Variants in KCNN2 observed in about 807,000 individuals in gnomAD.
KCNN2 encodes potassium calcium-activated channel subfamily N member 2, also known as small conductance calcium-activated potassium channel protein 2.
KCNN2 carries 24 observed loss-of-function variants against 55.5 expected under a neutral mutation model. That is an observed-to-expected ratio of 0.43 (90% CI 0.31 to 0.61). KCNN2 has a LOEUF of 0.61. Ranked by LOEUF, KCNN2 falls within the 20% of genes least tolerant of loss-of-function variation. The pLI, the probability that KCNN2 is intolerant of heterozygous loss-of-function variation, is 0.08. For synonymous variants in KCNN2, 431 were observed against 336.1 expected (o/e 1.28, Z -3.09); for missense variants, 754 against 853.6 (o/e 0.88, Z 1.45).
At chr5:114,134,843 A>G (rs1376156523) in intron 1 of KCNN2, among the ~76,000 whole-genome samples, 2 of 152,212 alleles carry the variant, frequency 1.3e-5, no homozygotes, top group African/African-American at 4.8e-5. Flanking sequence ...AGAGCCAAGA[A>G]CAAGAAAATG....
intron 2 of KCNN2, among the ~76,000 whole-genome samples, chr5:114,349,129 A>G (rs572236079): frequency 6.6e-6 from 1 of 152,192 alleles, no homozygotes; most frequent in South Asian, 2.1e-4. Context: ...AGCTTTGCCT[A>G]TTCTGGACAT....
chr5:114,335,133 C>T (rs775028468), intron 2 of KCNN2, among the ~76,000 whole-genome samples: 2 of 152,242 alleles, frequency 1.3e-5, no homozygotes, highest in African/African-American at 4.8e-5. Context: ...CCGTGTTAGC[C>T]AGGATGGTGT....
chr5:114,486,897 G>T (rs982541952), intron 5 of KCNN2, 153 bp from the exon 6 acceptor site: 8 of 1,147,050 alleles, frequency 7.0e-6, no homozygotes, highest in Non-Finnish European at 1.0e-5. Flanking sequence ...TTCTAAAAAG[G>T]CATAGATTAA....
chr5:114,155,712 G>T (rs1248281376), intron 1 of KCNN2, among the ~76,000 whole-genome samples: 1 of 152,072 alleles, frequency 6.6e-6, no homozygotes, highest in Non-Finnish European at 1.5e-5. Flanking sequence ...CATGTCCTTT[G>T]CCCACTTTTT....
intron 1 of KCNN2, among the ~76,000 whole-genome samples, chr5:114,151,966 A>G (rs192041117): frequency 4.6e-4 from 70 of 152,338 alleles, no homozygotes; most frequent in Admixed American, 3.5e-3. Context: ...TCTTAGAGCA[A>G]TAAGGCAGTG....
intron 2 of KCNN2, among the ~76,000 whole-genome samples, chr5:114,266,864 C>A (rs560869963): frequency 1.3e-5 from 2 of 152,158 alleles, no homozygotes; most frequent in African/African-American, 4.8e-5. Context: ...TGCAGTTTTT[C>A]CTAAGATGTC....
chr5:114,150,744 G>A (rs541878213), intron 1 of KCNN2, among the ~76,000 whole-genome samples: 6 of 152,274 alleles, frequency 3.9e-5, no homozygotes, highest in East Asian at 1.9e-4. Context: ...AAGCAAGGCC[G>A]GGCACAGTGG....
At chr5:114,108,692 A>G (rs1751536368) in intron 1 of KCNN2, among the ~76,000 whole-genome samples, 1 of 152,074 alleles carries the variant, frequency 6.6e-6, no homozygotes, top group African/African-American at 2.4e-5. Flanking sequence ...TGTTGCATGT[A>G]TCAGTAGTTT....
intron 2 of KCNN2, among the ~76,000 whole-genome samples, chr5:114,281,132 A>G (rs1348363134): frequency 6.6e-6 from 1 of 152,074 alleles, no homozygotes; most frequent in South Asian, 2.1e-4. Context: ...CCTTCTACTC[A>G]GGTTTTGCCT....
At chr5:114,428,689 A>T (rs1395154012) in intron 3 of KCNN2, among the ~76,000 whole-genome samples, 2 of 152,050 alleles carry the variant, frequency 1.3e-5, no homozygotes, top group African/African-American at 4.8e-5. Context: ...CCACTGCCCT[A>T]AAAAGTCTCA....
intron 2 of KCNN2, among the ~76,000 whole-genome samples, chr5:114,246,439 C>T (rs1349988723): frequency 2.6e-5 from 4 of 152,044 alleles, no homozygotes; most frequent in Admixed American, 6.6e-5. Context: ...TACTTATCTA[C>T]CTATTACAAT....
chr5:114,070,336 A>G (rs1750542471), intron 1 of KCNN2, among the ~76,000 whole-genome samples: 1 of 152,170 alleles, frequency 6.6e-6, no homozygotes, highest in Non-Finnish European at 1.5e-5. Context: ...CTGCCCAACT[A>G]GCATGTTTTT....
chr5:114,464,434 A>G (rs907261650), intron 4 of KCNN2, among the ~76,000 whole-genome samples: 1 of 152,178 alleles, frequency 6.6e-6, no homozygotes, highest in Non-Finnish European at 1.5e-5. Flanking sequence ...ACCCTGTTCA[A>G]CACCTCTAAC....
At chr5:114,430,682 A>T (rs1759765151) in intron 3 of KCNN2, among the ~76,000 whole-genome samples, 1 of 152,096 alleles carries the variant, frequency 6.6e-6, no homozygotes, top group South Asian at 2.1e-4. Flanking sequence ...TTACCAGGAA[A>T]GCACCTAGTT....
chr5:114,231,212 A>C (rs6885459), intron 2 of KCNN2, among the ~76,000 whole-genome samples: 12,403 of 39,208 alleles, frequency 0.32, 2,403 homozygotes, highest in East Asian at 0.71. Context: ...AGGTTGCGAA[A>C]ATTTTCTCCC....
chr5:114,226,985 T>C (rs567210947), intron 2 of KCNN2, among the ~76,000 whole-genome samples: 29 of 152,318 alleles, frequency 1.9e-4, no homozygotes, highest in African/African-American at 6.7e-4. Flanking sequence ...TTTGATTTTT[T>C]TCATGTAGTG....
At chr5:114,243,647 G>A (rs778823948) in intron 2 of KCNN2, among the ~76,000 whole-genome samples, 12 of 152,038 alleles carry the variant, frequency 7.9e-5, no homozygotes, top group Non-Finnish European at 1.3e-4. Context: ...CTTGTATTTC[G>A]TTATCAGTGA....
chr5:114,422,785 C>T (rs955248707), intron 3 of KCNN2, among the ~76,000 whole-genome samples: 8 of 152,156 alleles, frequency 5.3e-5, no homozygotes, highest in Non-Finnish European at 7.4e-5. Flanking sequence ...GGCAGACCAT[C>T]GTCAGAGACT....
intron 3 of KCNN2, among the ~76,000 whole-genome samples, chr5:114,455,962 C>G (rs1760904981): frequency 6.6e-6 from 1 of 152,220 alleles, no homozygotes; most frequent in African/African-American, 2.4e-5. Context: ...AAGAAACCAT[C>G]TTTATAACAT....
Sources: allele counts gnomAD v4.1 joint callset (sites outside exome capture counted in the v4.1 genomes callset), GRCh38; gene constraint gnomAD v4.1.1; transcripts MANE v1.5; gene names NCBI Gene and HGNC (gene_info 2026-07-23, HGNC 2026-07-21).